TSPAN4: variants seen among roughly 807,000 people sequenced by gnomAD.
TSPAN4 encodes tetraspanin-4.
In TSPAN4, 38 loss-of-function variants were observed where a neutral mutation model predicts 31.5. The observed-to-expected ratio is 1.21, with a 90% CI of 0.93 to 1.58. The LOEUF is 1.58. TSPAN4 is among the 40% of genes most tolerant of loss of function. The pLI is 0.00. For missense variants in TSPAN4, 330 were observed against 317.3 expected (o/e 1.04, Z -0.30); for synonymous variants, 186 against 144.6 (o/e 1.29, Z -2.06).
chr11:844,283 C>G (rs1007490241), intron 1 of TSPAN4: 1 of 152,144 alleles, frequency 6.6e-6, no homozygotes, highest in African/African-American at 2.4e-5. Flanking sequence ...AGGGCCTGTC[C>G]CGCCCCTGTT....
intron 2 of TSPAN4, chr11:849,749 G>C (rs950877883): frequency 6.7e-6 from 1 of 150,310 alleles, no homozygotes; most frequent in Non-Finnish European, 1.5e-5. Flanking sequence ...GTGCGGCGAG[G>C]AGGGGAGGGG....
At chr11:862,000 CA>C (rs1247784694) in intron 3 of TSPAN4, among the ~76,000 whole-genome samples, 1 of 152,182 alleles carries the variant, frequency 6.6e-6, no homozygotes, top group Admixed American at 6.5e-5. Flanking sequence ...CCACGAGTGA[CA>C]GGGGACAGCT....
chr11:861,182 T>C (rs574292622), intron 3 of TSPAN4, among the ~76,000 whole-genome samples: 1 of 152,302 alleles, frequency 6.6e-6, no homozygotes, highest in East Asian at 1.9e-4. Flanking sequence ...TTTTAATTGA[T>C]TTTTATAAGA....
intron 3 of TSPAN4, among the ~76,000 whole-genome samples, chr11:861,581 G>A (rs1427471521): frequency 1.3e-5 from 2 of 152,094 alleles, no homozygotes; most frequent in African/African-American, 2.4e-5. Flanking sequence ...GCGTGGTGGC[G>A]GGCGCCTGTA....
At chr11:853,996 C>T (rs1847899258) in intron 3 of TSPAN4, among the ~76,000 whole-genome samples, 1 of 152,198 alleles carries the variant, frequency 6.6e-6, no homozygotes, top group Non-Finnish European at 1.5e-5. Flanking sequence ...GCTCTGCTGC[C>T]CTGGGACCCC....
chr11:861,148 C>T (rs1468235474), intron 3 of TSPAN4, among the ~76,000 whole-genome samples: 1 of 152,216 alleles, frequency 6.6e-6, no homozygotes, highest in East Asian at 1.9e-4. Flanking sequence ...GCAGCACCCC[C>T]TCGTCTCCCC....
At chr11:849,973 G>A (rs1847565173) in intron 2 of TSPAN4, 1 of 159,438 alleles carries the variant, frequency 6.3e-6, no homozygotes, top group African/African-American at 2.4e-5. Flanking sequence ...GGGATGGGGC[G>A]TTCCGGGGCG....
At chr11:851,185 C>T (rs973929343) in intron 3 of TSPAN4, among the ~76,000 whole-genome samples, 9 of 152,230 alleles carry the variant, frequency 5.9e-5, no homozygotes, top group African/African-American at 2.2e-4. Flanking sequence ...CATGGAGCCG[C>T]GACCCTGTCC....
chr11:865,939 G>A lies in TSPAN4; in HGVS notation c.586G>A (p.Val196Met), dbSNP rs942883709. The part of the protein sequence containing the change: ...WKAPCYETVK[V>M]WLQENLLAVG... ...GCAGCCGTGCTACGAGACGGTGAAG[G>A]TGTGGCTTCAGGAGAACCTGCTGGC... Residue 196 changes from valine (V) to methionine (M), a missense_variant, in exon 8 of 9, where the codon GTG (valine) becomes ATG (methionine). Physicochemically the swap from Val to Met is conservative, Grantham distance 21. Transcript: ENST00000397397. 6.2e-7 allele frequency: 1 copy of A among 1,613,034 alleles called. No individual in the cohort carries two copies. The highest frequency in any genetic ancestry group is 1.7e-5 in the Admixed American group (1 of 60,028).
chr11:853,124 G>A (rs1006007833), intron 3 of TSPAN4, among the ~76,000 whole-genome samples: 5 of 152,114 alleles, frequency 3.3e-5, no homozygotes, highest in African/African-American at 1.2e-4. Flanking sequence ...GGAGGGGTTG[G>A]GGGGCTGGGA....
At chr11:863,019 G>A in intron 4 of TSPAN4, 1 of 442,880 alleles carries the variant, frequency 2.3e-6, no homozygotes. Context: ...TGGCCCTGGT[G>A]AGTGCAGGCA....
chr11:852,885 CGT>C (rs1457001336), intron 3 of TSPAN4, among the ~76,000 whole-genome samples: 4 of 100,088 alleles, frequency 4.0e-5, no homozygotes, highest in Non-Finnish European at 8.2e-5. Flanking sequence ...AAGATCCCCG[CGT>C]GTGTCTGTCC....
At chr11:845,868 A>G (rs934267740) in intron 1 of TSPAN4, among the ~76,000 whole-genome samples, 3 of 151,960 alleles carry the variant, frequency 2.0e-5, no homozygotes, top group African/African-American at 7.3e-5. Flanking sequence ...TCCAGGGCTC[A>G]GGTTTGGGTG....
At position 866,839 on chromosome 11, in the gene TSPAN4, G is replaced by A. The variant is rs958335151; in HGVS notation, c.*209G>A. The A allele has an allele frequency of 7.4e-5, 40 of 542,860 alleles. 1 individual carries two copies. The highest frequency in any genetic ancestry group is 6.9e-4 in the South Asian group (28 of 40,636). 33.6% of individuals were successfully genotyped at this position (542,860 alleles called of 1,614,324 possible). On this transcript the variant is annotated 3_prime_UTR_variant, in exon 9 of 9. Coordinates refer to ENST00000397397, the MANE Select transcript of TSPAN4 (RefSeq NM_003271.5). ...CTCCGGACCCCCCCTGGGAGGGGTG[G>A]CCACGTGCTGGCTGCGGAACCCAGG...
chr11:844,287 C>G (rs1381490287), intron 1 of TSPAN4: 3 of 152,192 alleles, frequency 2.0e-5, no homozygotes, highest in African/African-American at 4.8e-5. Context: ...CCTGTCCCGC[C>G]CCTGTTCCTG....
chr11:866,651 C>T lies in TSPAN4; in HGVS notation c.*21C>T, dbSNP rs745867558. On this transcript the variant is annotated 3_prime_UTR_variant, in exon 9 of 9. Coordinates refer to ENST00000397397, the MANE Select transcript of TSPAN4 (RefSeq NM_003271.5). ...CGTAGGCCGCCCACCGCCCGCTTCTCTGCCAAAAGGACGCCCACGGGGAGA... is the reference window on the plus strand; with the variant it reads ...CGTAGGCCGCCCACCGCCCGCTTCTTTGCCAAAAGGACGCCCACGGGGAGA... The T allele has an allele frequency of 2.5e-6, 4 of 1,607,696 alleles. No individual in the cohort carries two copies. The African/African-American group carries it at 5.3e-5, about 21-fold the overall frequency.
intron 3 of TSPAN4, among the ~76,000 whole-genome samples, chr11:855,169 C>T (rs1429156018): frequency 9.9e-5 from 15 of 152,154 alleles, no homozygotes; most frequent in South Asian, 4.1e-4. Flanking sequence ...TCCCAGCTGG[C>T]GGCAGGGCAG....
chr11:858,471 C>A, intron 3 of TSPAN4: 1 of 167,696 alleles, frequency 6.0e-6, no homozygotes, highest in Non-Finnish European at 1.3e-5. Flanking sequence ...ACACTCCAGA[C>A]ACATCCACCC....
intron 3 of TSPAN4, among the ~76,000 whole-genome samples, chr11:855,931 G>A (rs1848018523): frequency 6.6e-6 from 1 of 152,220 alleles, no homozygotes; most frequent in African/African-American, 2.4e-5. Flanking sequence ...AAAGCCGCAT[G>A]GCCAGAGGGG....
Sources: gnomAD v4.1 joint callset for allele counts (sites outside exome capture counted in the v4.1 genomes callset) on GRCh38, gnomAD v4.1.1 for gene constraint, MANE v1.5 for transcripts, NCBI Gene and HGNC (gene_info 2026-07-23, HGNC 2026-07-21) for gene names.